CUX1: variants seen among roughly 807,000 people sequenced by gnomAD.
CUX1 encodes the protein protein CASP.
CUX1 carries 31 observed loss-of-function variants against 158.8 expected under a neutral mutation model. The ratio of observed to expected loss-of-function variants is 0.20; its 90% CI spans 0.15 to 0.26. The LOEUF is 0.26. CUX1 is among the 10% of genes least tolerant of loss of function. The probability of loss-of-function intolerance (pLI) is 1.00; values close to 1 mark genes in which losing one functional copy is unlikely to be tolerated. For synonymous variants in CUX1, 879 were observed against 862.1 expected, an observed-to-expected ratio of 1.02 and a Z score of -0.34; for missense variants, 1,589 against 2,014.6, an observed-to-expected ratio of 0.79 and a Z score of 4.04.
intron 1 of CUX1, among the ~76,000 whole-genome samples, chr7:101,893,996 A>G (rs940739571): frequency 1.3e-5 from 2 of 152,208 alleles, no homozygotes; most frequent in Non-Finnish European, 2.9e-5. Flanking sequence ...TGTGAAATAT[A>G]TATTCAAGTT....
intron 2 of CUX1, among the ~76,000 whole-genome samples, chr7:101,990,148 C>T (rs915423798): frequency 1.3e-5 from 2 of 151,990 alleles, no homozygotes; most frequent in Admixed American, 6.6e-5. Context: ...CTCTTGAACC[C>T]GGGATTTTGA....
intron 8 of CUX1, among the ~76,000 whole-genome samples, chr7:102,129,483 A>T (rs1365614092): frequency 1.3e-5 from 2 of 152,160 alleles, no homozygotes; most frequent in African/African-American, 4.8e-5. Context: ...CAGGAGTTCG[A>T]GACCAGCCTG....
At chr7:101,827,589 G>A (rs1375244557) in intron 1 of CUX1, among the ~76,000 whole-genome samples, 1 of 152,034 alleles carries the variant, frequency 6.6e-6, no homozygotes, top group Non-Finnish European at 1.5e-5. Flanking sequence ...GAGATTATAG[G>A]CATGAGCCAC....
intron 2 of CUX1, among the ~76,000 whole-genome samples, chr7:101,920,024 C>A (rs184256448): frequency 7.2e-5 from 11 of 152,248 alleles, no homozygotes; most frequent in African/African-American, 2.6e-4. Context: ...AACTCCTGGG[C>A]TCAAGTGATC....
chr7:101,902,445 G>A (rs1802255989), intron 1 of CUX1, among the ~76,000 whole-genome samples: 1 of 152,202 alleles, frequency 6.6e-6, no homozygotes, highest in Non-Finnish European at 1.5e-5. Flanking sequence ...TAACTGTTGG[G>A]CCCTTGAAGT....
intron 3 of CUX1, among the ~76,000 whole-genome samples, chr7:102,061,296 C>T (rs1824846258): frequency 6.6e-6 from 1 of 151,916 alleles, no homozygotes; most frequent in Non-Finnish European, 1.5e-5. Flanking sequence ...GGATTCAAAC[C>T]CAAGTCTGTC....
intron 6 of CUX1, among the ~76,000 whole-genome samples, chr7:102,107,265 G>A (rs144757957): frequency 9.5e-4 from 143 of 150,932 alleles, no homozygotes; most frequent in Admixed American, 1.7e-3. Context: ...GAGGCTGGGC[G>A]CAGTGGCTCA....
chr7:102,237,441 A>G (rs1799687841), intron 22 of CUX1, among the ~76,000 whole-genome samples: 1 of 151,686 alleles, frequency 6.6e-6, no homozygotes, highest in Non-Finnish European at 1.5e-5. Context: ...ACGCCACCAC[A>G]CTGGCTAATT....
intron 12 of CUX1, 109 bp from the exon 13 acceptor site, chr7:102,193,733 C>G: frequency 9.2e-7 from 1 of 1,088,480 alleles, no homozygotes; most frequent in Non-Finnish European, 1.3e-6. Context: ...TGAACCTGGG[C>G]AGAGGTTGCA....
chr7:101,816,893 G>A (rs1005491537), upstream of CUX1: 1 of 980,016 alleles, frequency 1.0e-6, no homozygotes, highest in African/African-American at 1.8e-5. Context: ...CGCCGCTCCG[G>A]CACCCCGCGT....
intron 1 of CUX1, among the ~76,000 whole-genome samples, chr7:101,834,743 A>G (rs1211805711): frequency 1.3e-5 from 2 of 152,098 alleles, no homozygotes; most frequent in African/African-American, 4.8e-5. Flanking sequence ...CCAGGCCTGT[A>G]ATCCCAGCAC....
At chr7:101,906,423 C>A (rs1420978426) in intron 1 of CUX1, among the ~76,000 whole-genome samples, 1 of 151,620 alleles carries the variant, frequency 6.6e-6, no homozygotes, top group Non-Finnish European at 1.5e-5. Context: ...GAAGGAACAG[C>A]CTGTGGCGAG....
At chr7:101,989,053 A>G (rs569581346) in intron 2 of CUX1, among the ~76,000 whole-genome samples, 1 of 152,056 alleles carries the variant, frequency 6.6e-6, no homozygotes, top group Non-Finnish European at 1.5e-5. Flanking sequence ...CAGATTTCCT[A>G]CTGGAAGCAA....
intron 3 of CUX1, among the ~76,000 whole-genome samples, chr7:102,037,161 C>A (rs1821531003): frequency 6.6e-6 from 1 of 151,696 alleles, no homozygotes; most frequent in Admixed American, 6.6e-5. Flanking sequence ...TGCCACTGCA[C>A]TACAGCCTGG....
In CUX1 at chr7:101,817,716, G is replaced by A; in HGVS notation, c.30+47G>A. ...AGTCCCGAGGTTGCAGGCGCGGAGG[G>A]AACCGGGGATGTCGGGGGGTGCCCG... On this transcript the variant is annotated intron_variant, in intron 1 of 23. Coordinates refer to ENST00000292535, the MANE Select transcript of CUX1 (RefSeq NM_181552.4). This position sits in a 1 kb window ranked among gnomAD's most constrained non-coding sequence, Gnocchi z 4.1. 1.3e-6 allele frequency: 2 copies of A among 1,546,282 alleles called. No homozygotes were observed. Among genetic ancestry groups the A allele is most frequent in the Non-Finnish European group, 1.7e-6 (2 of 1,145,390 alleles).
In CUX1 at chr7:102,070,284, T is replaced by C. The variant is rs1459478782; in HGVS notation, c.190-55T>C. The C allele has an allele frequency of 2.8e-6, 4 of 1,452,850 alleles. No homozygotes were observed. The African/African-American group carries it at 5.6e-5, about 20-fold the overall frequency. 90.0% of individuals were successfully genotyped at this position (1,452,850 alleles called of 1,614,324 possible). ...GATGTGTAATGCTTTGTAAATTACC[T>C]CTTGACAAATGTTGAGCTCTTTGTT... On this transcript the variant is annotated intron_variant, in intron 3 of 23. Coordinates refer to ENST00000292535, the MANE Select transcript of CUX1 (RefSeq NM_181552.4).
At chr7:102,080,164 C>G (rs1415061362) in intron 4 of CUX1, among the ~76,000 whole-genome samples, 1 of 152,174 alleles carries the variant, frequency 6.6e-6, no homozygotes, top group East Asian at 1.9e-4. Flanking sequence ...TCCATCCATC[C>G]TCCCCCGGTC....
chr7:101,939,054 AATACATATATATAT>A (rs1807318478), intron 2 of CUX1, among the ~76,000 whole-genome samples: 1 of 92,634 alleles, frequency 1.1e-5, no homozygotes, highest in African/African-American at 4.8e-5. Flanking sequence ...AAAAAAAAAA[AATACATATATATAT>A]ATATATATAT....
intron 2 of CUX1, among the ~76,000 whole-genome samples, chr7:101,959,831 AT>A (rs1379515826): frequency 6.6e-6 from 1 of 152,192 alleles, no homozygotes; most frequent in African/African-American, 2.4e-5. Flanking sequence ...CTGTTTGGAC[AT>A]GGTACAACCT....
Sources: gnomAD v4.1 joint callset for allele counts (sites outside exome capture counted in the v4.1 genomes callset) on GRCh38, gnomAD v4.1.1 for gene constraint, Gnocchi (gnomAD v3.1) non-coding constraint, MANE v1.5 for transcripts, NCBI Gene and HGNC (gene_info 2026-07-23, HGNC 2026-07-21) for gene names.